Variants in DNAH11 observed in about 807,000 individuals in gnomAD.
DNAH11 encodes the protein axonemal beta dynein heavy chain 11.
A neutral mutation model predicts 526.0 loss-of-function variants in DNAH11; 442 were observed. The observed-to-expected ratio is 0.84, with a 90% CI of 0.78 to 0.91. DNAH11 has a LOEUF of 0.91. DNAH11 is among the 40% of genes least tolerant of loss of function. The pLI, the probability that DNAH11 is intolerant of heterozygous loss-of-function variation, is 0.00. For missense variants in DNAH11, 6,989 were observed against 5,448.7 expected (o/e 1.28, Z -8.90); for synonymous variants, 2,461 against 1,935.9 (o/e 1.27, Z -7.12).
chr7:21,756,923 G>A (rs1484630489), intron 54 of DNAH11, among the ~76,000 whole-genome samples: 1 of 152,158 alleles, frequency 6.6e-6, no homozygotes, highest in Non-Finnish European at 1.5e-5. Flanking sequence ...TGAAAAAGCA[G>A]TTAATTATCT....
intron 71 of DNAH11, 92 bp downstream of exon 71, chr7:21,866,755 CAT>C: frequency 7.4e-7 from 1 of 1,350,752 alleles, no homozygotes; most frequent in African/African-American, 1.5e-5. Context: ...AAGTGTTTAC[CAT>C]CCATTTTGAT....
At chr7:21,807,751 C>T in intron 62 of DNAH11, 132 bp from the exon 63 acceptor site, 9 of 722,880 alleles carry the variant, frequency 1.2e-5, no homozygotes, top group Non-Finnish European at 1.9e-5. Flanking sequence ...GTCACACCAA[C>T]CCGTTACACT....
At position 21,895,103 on chromosome 7, in the gene DNAH11, C is replaced by G. The variant is rs781573760; in HGVS notation, c.13049+104C>G. ...GAACTATGCAGACGGAGCTTTGTGA[C>G]TGTTCTCAACCTGTAACCGTAAAAA... On this transcript the variant is annotated intron_variant, in intron 79 of 81. Coordinates refer to ENST00000409508, the MANE Select transcript of DNAH11 (RefSeq NM_001277115.2). 7.4e-6 allele frequency: 7 copies of G among 944,146 alleles called. No homozygotes were observed. The Admixed American group carries it at 1.2e-4, about 16-fold the overall frequency. The allele number at this position is 944,146 out of a possible 1,614,324, so 58.5% of individuals were successfully genotyped here. A position where few individuals can be genotyped will look rare whatever the true frequency, so the allele number is the denominator to read the frequency against.
intron 50 of DNAH11, 45 bp downstream of exon 50, chr7:21,744,644 C>G: frequency 6.3e-7 from 1 of 1,597,730 alleles, no homozygotes; most frequent in Non-Finnish European, 8.5e-7. Context: ...CCAACACCAA[C>G]TGGGTATTGG....
At chr7:21,676,248 C>T (rs1480652735) in intron 30 of DNAH11, among the ~76,000 whole-genome samples, 5 of 152,092 alleles carry the variant, frequency 3.3e-5, no homozygotes, top group East Asian at 3.8e-4. Context: ...TTCAAAGGGG[C>T]GTAGGTAGAC....
chr7:21,674,070 TTTTG>T (rs1334617326), intron 30 of DNAH11, among the ~76,000 whole-genome samples: 1 of 151,154 alleles, frequency 6.6e-6, no homozygotes, highest in Non-Finnish European at 1.5e-5. Context: ...GTGAGTTTTG[TTTTG>T]TTTTTCATGG....
Position 21,750,234 on chromosome 7 carries a change from A to C in DNAH11, c.8810A>C (p.Asp2937Ala). 1.9e-6 allele frequency: 3 copies of C among 1,604,210 alleles called. No individual in the cohort carries two copies. Among genetic ancestry groups the C allele is most frequent in the Non-Finnish European group, 2.6e-6 (3 of 1,175,594 alleles). Residue 2937 changes from aspartate (D) to alanine (A), a missense_variant, in exon 54 of 82, where the codon GAT (aspartate) becomes GCT (alanine). Coordinates refer to ENST00000409508, the MANE Select transcript of DNAH11 (RefSeq NM_001277115.2). Reference protein sequence around the residue: ...NDLLASGEIPDLFSDEDVDKI... With the variant: ...NDLLASGEIPALFSDEDVDKI... ...TTCTTTGGGGCAGGAGAAATCCCAG[A>C]TCTGTTCAGCGATGAAGATGTGGAC...
chr7:21,689,104 G>T (rs1783508332), intron 34 of DNAH11, among the ~76,000 whole-genome samples: 1 of 152,096 alleles, frequency 6.6e-6, no homozygotes, highest in Non-Finnish European at 1.5e-5. Context: ...GTGGGCCTTG[G>T]GTCCCAGTTT....
intron 35 of DNAH11, among the ~76,000 whole-genome samples, chr7:21,695,023 A>G (rs1312200824): frequency 6.6e-6 from 1 of 152,196 alleles, no homozygotes; most frequent in Non-Finnish European, 1.5e-5. Flanking sequence ...ATACCTAGGA[A>G]TACAACTTAT....
At position 21,818,361 on chromosome 7, in the gene DNAH11, A is replaced by T. The variant is rs768838547; in HGVS notation, c.10691+22A>T. ...GAAAGTAAGTATTCTTGAATTTTTA[A>T]CATATATATCTTGCTAAATGATTTT... On this transcript the variant is annotated intron_variant, in intron 65 of 81. Coordinates refer to ENST00000409508, the MANE Select transcript of DNAH11 (RefSeq NM_001277115.2). 5 of 1,603,694 alleles carry T rather than the reference A, an allele frequency of 3.1e-6. No homozygotes were observed. The South Asian group carries it at 3.4e-5, about 11-fold the overall frequency.
At chr7:21,723,014 C>G (rs1327445948) in intron 44 of DNAH11, among the ~76,000 whole-genome samples, 1 of 152,188 alleles carries the variant, frequency 6.6e-6, no homozygotes, top group Non-Finnish European at 1.5e-5. Context: ...ATCACTGGCA[C>G]CTTCCCTTCG....
In DNAH11 at chr7:21,543,268, G is replaced by T. The variant is rs1284141098; in HGVS notation, c.23G>T (p.Arg8Leu). 5 of 1,539,698 alleles carry T rather than the reference G, an allele frequency of 3.2e-6. No homozygotes were observed. In the African/African-American group the frequency reaches 5.5e-5, roughly 17 times the overall value. The stretch of plus-strand genomic sequence containing the variant: ...CCAATGGCAGCCCAGGTGGCAGCCC[G>T]GGAGGCGCGAGACTTCAGAGAAGCC... MAAQVAA[R>L]EARDFREAPT... Residue 8 changes from arginine (R) to leucine (L), a missense_variant, in exon 1 of 82, where the codon CGG (arginine) becomes CTG (leucine). Arg to Leu is a moderately radical substitution (Grantham distance 102). Coordinates refer to ENST00000409508, the MANE Select transcript of DNAH11 (RefSeq NM_001277115.2).
At chr7:21,705,666 C>A in intron 39 of DNAH11, 129 bp downstream of exon 39, 1 of 818,568 alleles carries the variant, frequency 1.2e-6, no homozygotes, top group Non-Finnish European at 2.0e-6. Flanking sequence ...GGGTCAGAAT[C>A]TGAGACTGGA....
rs759819257 is a variant in DNAH11 at position 21,816,670 on chromosome 7, G to A, written c.10536G>A (p.Met3512Ile). ...GIKWIKNKYG[M>I]DLKVTHLGQK... ...AGTGGATCAAGAATAAGTATGGAAT[G>A]GACCTGAAAGTCACACATTTGGGCC... Residue 3512 changes from methionine to isoleucine, a missense_variant, in exon 64 of 82, where the codon ATG becomes ATA. Transcript: ENST00000409508. 3.1e-6 allele frequency: 5 copies of A among 1,613,596 alleles called. No individual in the cohort carries two copies. The African/African-American group carries it at 6.7e-5, about 22-fold the overall frequency.
chr7:21,773,933 T>C lies in DNAH11; in HGVS notation c.9270T>C (p.Asn3090=), dbSNP rs751938603. 1.3e-6 allele frequency: 2 copies of C among 1,594,604 alleles called. No homozygotes were observed. The highest frequency in any genetic ancestry group is 8.5e-7 in the Non-Finnish European group (1 of 1,170,342). The change falls in exon 56 of 82, where the codon AAT becomes AAC. Residue 3090 remains asparagine, a synonymous_variant. Coordinates refer to ENST00000409508, the MANE Select transcript of DNAH11 (RefSeq NM_001277115.2). ...LFKNLLKKKQ[N]EVSEKKERLV... is the part of the protein sequence containing the mutation. Reference sequence around the variant, plus strand: ...AGAACCTGTTGAAGAAGAAGCAAAATGAGGTATCCGAGAAAAAAGAACGCC... The same window carrying C: ...AGAACCTGTTGAAGAAGAAGCAAAACGAGGTATCCGAGAAAAAAGAACGCC...
In DNAH11 at chr7:21,716,542, T is replaced by C. The variant is rs182833652; in HGVS notation, c.6984-1233T>C. Reference sequence around the variant, plus strand: ...GTAGCATATCCAGGCAGTTTCACTTTAGACTTTCCTTTCCCTGAGCAATCC... The same window carrying C: ...GTAGCATATCCAGGCAGTTTCACTTCAGACTTTCCTTTCCCTGAGCAATCC... On this transcript the variant is annotated intron_variant, in intron 42 of 81. Coordinates refer to ENST00000409508, the MANE Select transcript of DNAH11 (RefSeq NM_001277115.2). Among the ~76,000 whole-genome samples the C allele has an allele frequency of 6.6e-5, 10 of 152,314 alleles. No individual in the cohort carries two copies. In the East Asian group the frequency reaches 1.5e-3, roughly 24 times the overall value.
At chr7:21,728,209 C>A (rs1186486789) in intron 45 of DNAH11, among the ~76,000 whole-genome samples, 2 of 140,348 alleles carry the variant, frequency 1.4e-5, no homozygotes, top group African/African-American at 5.4e-5. Flanking sequence ...ATACAAAATA[C>A]ATTCACCCAT....
At chr7:21,618,947 G>A (rs1785909683) in intron 23 of DNAH11, among the ~76,000 whole-genome samples, 153 bp from the exon 24 acceptor site, 2 of 152,166 alleles carry the variant, frequency 1.3e-5, no homozygotes, top group South Asian at 4.1e-4. Flanking sequence ...TTAAAAAGGA[G>A]TGTCTTAGAT....
At chr7:21,884,898 T>C (rs1028522941) in intron 76 of DNAH11, among the ~76,000 whole-genome samples, 1 of 152,156 alleles carries the variant, frequency 6.6e-6, no homozygotes, top group Non-Finnish European at 1.5e-5. Context: ...TAGTCTACAG[T>C]TGGACCAGTA....
Sources: allele counts gnomAD v4.1 joint callset (sites outside exome capture counted in the v4.1 genomes callset), GRCh38; gene constraint gnomAD v4.1.1; transcripts MANE v1.5; gene names NCBI Gene and HGNC (gene_info 2026-07-23, HGNC 2026-07-21).